Variants in TET3 observed in about 807,000 individuals in gnomAD.
TET3 encodes tet methylcytosine dioxygenase 3.
TET3 carries 19 observed loss-of-function variants against 141.4 expected under a neutral mutation model. That is an observed-to-expected ratio of 0.13 (90% CI 0.09 to 0.20). The LOEUF (loss-of-function observed/expected upper bound fraction) is 0.20, where lower values mean the gene tolerates loss of function less well. Ranked by LOEUF, TET3 falls within the 10% of genes least tolerant of loss-of-function variation. The probability of loss-of-function intolerance (pLI) is 1.00; values close to 1 mark genes in which losing one functional copy is unlikely to be tolerated. For synonymous variants in TET3, 1,043 were observed against 980.9 expected (o/e 1.06, Z -1.18); for missense variants, 1,874 against 2,356.9 (o/e 0.80, Z 4.24).
At chr2:74,121,474 A>G in the TET3 span, 1 of 152,252 alleles carries the variant, frequency 6.6e-6, no homozygotes, top group Admixed American at 6.5e-5. Context: ...TTCAAGTCAG[A>G]GTGTGAGCCT....
rs1316733618 is a variant in TET3 at position 74,105,969 on chromosome 2, A to C, written c.*3793A>C. Reference sequence around the variant, plus strand: ...CTAGGAAGCATTTTTATGAATTGAAATAGTCTAAATAAAATGGTGCTATGG... The same window carrying C: ...CTAGGAAGCATTTTTATGAATTGAACTAGTCTAAATAAAATGGTGCTATGG... On this transcript the variant is annotated 3_prime_UTR_variant, in exon 12 of 12. Transcript: ENST00000409262. 1 of 153,614 alleles carries C rather than the reference A, an allele frequency of 6.5e-6. No homozygotes were observed. The allele number at this position is 153,614 out of a possible 1,614,324, so 9.5% of individuals were successfully genotyped here.
chr2:74,090,392 T>C (rs956377564), intron 8 of TET3, among the ~76,000 whole-genome samples: 1 of 152,212 alleles, frequency 6.6e-6, no homozygotes, highest in Non-Finnish European at 1.5e-5. Context: ...CCAGGACACC[T>C]TTCTAGGTGT....
intron 10 of TET3, among the ~76,000 whole-genome samples, chr2:74,094,662 T>C (rs1429675127): frequency 6.9e-6 from 1 of 144,752 alleles, no homozygotes; most frequent in Admixed American, 6.8e-5. Flanking sequence ...TGGGCAGGAG[T>C]GGGGGGAGGT....
At chr2:74,128,835 A>C in the TET3 span, among the ~76,000 whole-genome samples, 1 of 151,576 alleles carries the variant, frequency 6.6e-6, no homozygotes, top group African/African-American at 2.4e-5. Flanking sequence ...AACAACAACA[A>C]CAATAAAATA....
intron 3 of TET3, among the ~76,000 whole-genome samples, chr2:74,022,406 TG>T (rs1187008330): frequency 6.6e-6 from 1 of 151,910 alleles, no homozygotes; most frequent in East Asian, 1.9e-4. Flanking sequence ...AATGTATGTT[TG>T]GGGGGTTTTT....
intron 2 of TET3, among the ~76,000 whole-genome samples, chr2:73,994,972 G>C (rs369848586): frequency 6.7e-6 from 1 of 149,766 alleles, no homozygotes; most frequent in African/African-American, 2.5e-5. Flanking sequence ...TTTTTTGTCT[G>C]TTTGTTTTGA....
At chr2:74,095,024 G>T (rs1199194823) in intron 10 of TET3, among the ~76,000 whole-genome samples, 1 of 152,146 alleles carries the variant, frequency 6.6e-6, no homozygotes, top group African/African-American at 2.4e-5. Flanking sequence ...TTTGGACTTG[G>T]TTAGGGGCTT....
Position 74,047,020 on chromosome 2 carries a change from C to G in TET3, c.1103C>G (p.Ser368Cys). 6.2e-7 allele frequency: 1 copy of G among 1,614,010 alleles called. No homozygotes were observed. Among genetic ancestry groups the G allele is most frequent in the South Asian group, 1.1e-5 (1 of 91,086 alleles). The change falls in exon 4 of 12, where the codon TCT becomes TGT. Residue 368 changes from serine (S) to cysteine (C), a missense_variant. Transcript: ENST00000409262. Reference sequence around the variant, plus strand: ...ATTGAGGCCCTCACACAGCTCTCCTCTGCCCTCCCGCAGCCTTCTCATTCC... The same window carrying G: ...ATTGAGGCCCTCACACAGCTCTCCTGTGCCCTCCCGCAGCCTTCTCATTCC... ...IAIEALTQLS[S>C]ALPQPSHSTP...
the TET3 span, chr2:74,121,400 G>A: frequency 6.6e-6 from 1 of 152,218 alleles, no homozygotes; most frequent in Non-Finnish European, 1.5e-5. Context: ...GGAGATGCTT[G>A]GAGAGAATAG....
chr2:73,993,007 G>A (rs1022216526), intron 2 of TET3, among the ~76,000 whole-genome samples: 5 of 152,170 alleles, frequency 3.3e-5, no homozygotes, highest in Non-Finnish European at 7.3e-5. Flanking sequence ...AGAGAGGGAG[G>A]CCACTGATAT....
intron 4 of TET3, among the ~76,000 whole-genome samples, chr2:74,069,363 C>A (rs1438134152): frequency 2.7e-5 from 4 of 148,786 alleles, no homozygotes. Context: ...AGGTATTATT[C>A]TATCTTGTAT....
Position 74,046,287 on chromosome 2 carries a change from G to A in TET3, c.370G>A (p.Glu124Lys). Residue 124 changes from glutamate (E) to lysine (K), a missense_variant, in exon 4 of 12, where the codon GAG (glutamate) becomes AAG (lysine). Physicochemically the swap from Glu to Lys is moderately conservative, Grantham distance 56. Transcript: ENST00000409262. The surrounding 1 kb of genome is among the most constrained non-coding windows in gnomAD (Gnocchi z 4.3). ...GQGAAVKTGS[E>K]LSPVDGPVPG... ...TTCTCTCTCTCTTTAGACAGGCTCAGAGCTCAGCCCAGTTGATGGACCTGT... is the reference window on the plus strand; with the variant it reads ...TTCTCTCTCTCTTTAGACAGGCTCAAAGCTCAGCCCAGTTGATGGACCTGT... The A allele has an allele frequency of 6.6e-7, 1 of 1,507,794 alleles. No homozygotes were observed. The allele number at this position is 1,507,794 out of a possible 1,614,324, so 93.4% of individuals were successfully genotyped here. A position where few individuals can be genotyped will look rare whatever the true frequency, so the allele number is the denominator to read the frequency against.
chr2:74,015,495 AC>A (rs538012147), intron 3 of TET3, among the ~76,000 whole-genome samples: 242 of 152,310 alleles, frequency 1.6e-3, no homozygotes, highest in Non-Finnish European at 2.7e-3. Context: ...TTTGTACCCT[AC>A]TTATTTTTGA....
chr2:74,092,219 T>G (rs1690537885), intron 8 of TET3, among the ~76,000 whole-genome samples: 1 of 152,114 alleles, frequency 6.6e-6, no homozygotes, highest in South Asian at 2.1e-4. Flanking sequence ...GAGAATTGCT[T>G]GAACCCAGGA....
At chr2:74,131,980 C>G in the TET3 span, among the ~76,000 whole-genome samples, 4 of 152,030 alleles carry the variant, frequency 2.6e-5, no homozygotes, top group South Asian at 2.1e-4. Flanking sequence ...TTCACAAGCC[C>G]GAAGAGTTCT....
chr2:74,005,901 C>T (rs1685129076), intron 3 of TET3, among the ~76,000 whole-genome samples: 1 of 152,222 alleles, frequency 6.6e-6, no homozygotes. Flanking sequence ...ACCACCTCCT[C>T]GTTGGCAGCC....
chr2:73,984,974 C>G lies in TET3; in HGVS notation c.-608C>G, dbSNP rs1683923423. Among the ~76,000 whole-genome samples, 1 of 147,010 alleles carries G rather than the reference C, an allele frequency of 6.8e-6. No homozygotes were observed. Among genetic ancestry groups the G allele is most frequent in the Admixed American group, 6.7e-5 (1 of 14,856 alleles). On this transcript the variant is annotated 5_prime_UTR_variant, in exon 1 of 12. Transcript: ENST00000409262. This position sits in a 1 kb window ranked among gnomAD's most constrained non-coding sequence, Gnocchi z 5.6. ...CGCGGCCGCCGCTGCCTCTTCCTTC[C>G]TCCTGCGCCGTCCCCTCCTCGGCCC...
At chr2:74,052,012 C>T (rs1412132140) in intron 4 of TET3, among the ~76,000 whole-genome samples, 1 of 152,234 alleles carries the variant, frequency 6.6e-6, no homozygotes, top group Non-Finnish European at 1.5e-5. Flanking sequence ...ATGCTTCTCG[C>T]TCTGTTGCCC....
chr2:74,122,503 A>ATTT, the TET3 span: 1 of 69,484 alleles, frequency 1.4e-5, no homozygotes, highest in African/African-American at 6.4e-5. Flanking sequence ...ATATATATAT[A>ATTT]TATATATATT....
Sources: allele counts gnomAD v4.1 joint callset (sites outside exome capture counted in the v4.1 genomes callset), GRCh38; gene constraint gnomAD v4.1.1; non-coding constraint Gnocchi (gnomAD v3.1); transcripts MANE v1.5; gene names NCBI Gene and HGNC (gene_info 2026-07-23, HGNC 2026-07-21).